Variants in KASH5 observed in about 807,000 individuals in gnomAD.
KASH5 encodes the protein protein KASH5.
Under a neutral mutation model 84.2 loss-of-function variants are expected in KASH5, and 72 were observed. The observed-to-expected ratio is 0.85, with a 90% CI of 0.71 to 1.04. The LOEUF is 1.04. KASH5 is among the 50% of genes least tolerant of loss of function. KASH5 has a pLI of 0.00. For missense variants in KASH5, 650 were observed against 701.0 expected (o/e 0.93, Z 0.82); for synonymous variants, 260 against 279.1 (o/e 0.93, Z 0.68).
chr19:49,395,388 C>T lies in KASH5; in HGVS notation c.335+96C>T. The T allele has an allele frequency of 7.5e-7, 1 of 1,327,956 alleles. No homozygotes were observed. The highest frequency in any genetic ancestry group is 1.3e-5 in the South Asian group (1 of 78,698). The allele number at this position is 1,327,956 out of a possible 1,614,324, so 82.3% of individuals were successfully genotyped here. A position where few individuals can be genotyped will look rare whatever the true frequency, so the allele number is the denominator to read the frequency against. The stretch of plus-strand genomic sequence containing the variant: ...AGCCAGCATCCTTTAGGCCCAAGGA[C>T]CTACTGTGTTTGGAATGAGGCTGTG... On this transcript the variant is annotated intron_variant, in intron 4 of 19. Transcript: ENST00000447857. This position sits in a 1 kb window ranked among gnomAD's most constrained non-coding sequence, Gnocchi z 4.4.
chr19:49,405,488 G>T (rs1974495395), intron 9 of KASH5, among the ~76,000 whole-genome samples: 1 of 151,032 alleles, frequency 6.6e-6, no homozygotes, highest in Non-Finnish European at 1.5e-5. Flanking sequence ...AGAAAAAGGA[G>T]CACAAACTTT....
chr19:49,390,319 G>T, intron 1 of KASH5: 1 of 153,446 alleles, frequency 6.5e-6, no homozygotes. Context: ...GGAGCATCAT[G>T]TGCGATTTGG....
intron 9 of KASH5, among the ~76,000 whole-genome samples, chr19:49,405,626 G>T (rs1267212430): frequency 6.6e-6 from 1 of 151,980 alleles, no homozygotes; most frequent in African/African-American, 2.4e-5. Flanking sequence ...GAACTAATAT[G>T]ATGCCTGCAA....
intron 9 of KASH5, among the ~76,000 whole-genome samples, chr19:49,400,079 A>C (rs1342634238): frequency 6.6e-6 from 1 of 152,036 alleles, no homozygotes; most frequent in Middle Eastern, 3.2e-3. Context: ...AAATAGAAAA[A>C]TAAGCCAGGC....
At position 49,399,519 on chromosome 19, in the gene KASH5, C is replaced by T. The variant is rs770053030; in HGVS notation, c.798+12C>T. 4.4e-6 allele frequency: 7 copies of T among 1,601,224 alleles called. No homozygotes were observed. The South Asian group carries it at 6.8e-5, about 16-fold the overall frequency. ...CTCTGCAGGAGGAGGTGAGCGGAGG[C>T]CCAGCACCACCCCCACCCCTTCCCC... On this transcript the variant is annotated intron_variant, in intron 9 of 19. Transcript: ENST00000447857. This position sits in a 1 kb window ranked among gnomAD's most constrained non-coding sequence, Gnocchi z 4.4.
Position 49,408,951 on chromosome 19 carries a change from A to C in KASH5, c.994-16A>C, listed in dbSNP as rs750782272. 6.4e-7 allele frequency: 1 copy of C among 1,569,344 alleles called. No homozygotes were observed. Among genetic ancestry groups the C allele is most frequent in the South Asian group, 1.2e-5 (1 of 85,088 alleles). The stretch of plus-strand genomic sequence containing the variant: ...AAATGCAGAGCCAAATGTGCTCCCC[A>C]CTTCCTCCTTTGCAGGAACTGAGGC... On this transcript the variant is annotated splice_polypyrimidine_tract_variant and intron_variant, in intron 12 of 19. Transcript: ENST00000447857.
Position 49,409,191 on chromosome 19 carries a change from G to T in KASH5, c.1059-5G>T. ...CATCTTCCTCCCTCCTTCCTGTGTG[G>T]CCAGGCTACCTGAAGGGGCCCAGCT... On this transcript the variant is annotated splice_polypyrimidine_tract_variant and splice_region_variant and intron_variant, in intron 13 of 19. Coordinates refer to ENST00000447857, the MANE Select transcript of KASH5 (RefSeq NM_144688.5). 6.2e-7 allele frequency: 1 copy of T among 1,612,802 alleles called. No homozygotes were observed. Among genetic ancestry groups the T allele is most frequent in the Non-Finnish European group, 8.5e-7 (1 of 1,179,014 alleles).
intron 2 of KASH5, 33 bp from the exon 3 acceptor site, chr19:49,394,443 C>A: frequency 6.4e-7 from 1 of 1,554,856 alleles, no homozygotes; most frequent in Non-Finnish European, 8.9e-7. Context: ...CTTATTCTTC[C>A]CACTGGTGAG....
At chr19:49,400,659 G>A (rs1408369895) in intron 9 of KASH5, among the ~76,000 whole-genome samples, 1 of 152,072 alleles carries the variant, frequency 6.6e-6, no homozygotes, top group African/African-American at 2.4e-5. Flanking sequence ...AAAATGCTGG[G>A]ATTACAGACA....
intron 12 of KASH5, among the ~76,000 whole-genome samples, chr19:49,408,725 G>A (rs111583600): frequency 0.011 from 1,645 of 152,340 alleles, 29 homozygotes; most frequent in African/African-American, 0.038. Flanking sequence ...TGGGATTACA[G>A]GCATGAGCCA....
rs965069001 is a variant in KASH5, at chr19:49,415,162, G to A, written c.1374+166G>A. 1.3e-5 allele frequency: 9 copies of A among 716,082 alleles called. No individual in the cohort carries two copies. In the African/African-American group the frequency reaches 1.4e-4, roughly 11 times the overall value. 44.4% of individuals were successfully genotyped at this position (716,082 alleles called of 1,614,324 possible). A position where few individuals can be genotyped will look rare whatever the true frequency, so the allele number is the denominator to read the frequency against. ...ACAAGGCCTTTGCTGTAGCTAATGA[G>A]AGCGATGGTGAGGTGGGGGGAGGCC... On this transcript the variant is annotated intron_variant, in intron 17 of 19. Transcript: ENST00000447857.
At position 49,400,113 on chromosome 19, in the gene KASH5, A is replaced by T. The variant is rs111318737; in HGVS notation, c.798+606A>T. ...GCATGGTAGTGTGCACCTGTAGTCC[A>T]GCCACTCAGGAGGCTGAGGTGGAAA... On this transcript the variant is annotated intron_variant, in intron 9 of 19. Transcript: ENST00000447857. 4.6e-3 allele frequency among the ~76,000 whole-genome samples: 701 copies of T among 151,760 alleles called. 7 individuals carry two copies. Among genetic ancestry groups the T allele is most frequent in the African/African-American group, 0.016 (661 of 41,368 alleles).
In KASH5 at chr19:49,417,052, G is replaced by A. The variant is rs1308802408; in HGVS notation, c.1412G>A (p.Gly471Glu). The A allele has an allele frequency of 6.3e-7, 1 of 1,596,190 alleles. No individual in the cohort carries two copies. The highest frequency in any genetic ancestry group is 8.5e-7 in the Non-Finnish European group (1 of 1,171,882). Residue 471 changes from glycine to glutamate, a missense_variant, in exon 18 of 20, where the codon GGA becomes GAA. Gly to Glu is a moderately conservative substitution (Grantham distance 98). Coordinates refer to ENST00000447857, the MANE Select transcript of KASH5 (RefSeq NM_144688.5). The surrounding 1 kb of genome is among the most constrained non-coding windows in gnomAD (Gnocchi z 5.2). ...GTCCCTCTAGGAGCCCCTCGCCCTG[G>A]AGACATCCCAGAAAACCCTCCAGAG... ...LPVPLGAPRP[G>E]DIPENPPERP...
chr19:49,396,443 G>A (rs1439831456), intron 5 of KASH5, among the ~76,000 whole-genome samples: 4 of 152,074 alleles, frequency 2.6e-5, no homozygotes, highest in South Asian at 2.1e-4. Flanking sequence ...TCATAGAGAC[G>A]AGGTTTCTCC....
At chr19:49,403,205 A>AATATAAAT (rs1198503597) in intron 9 of KASH5, among the ~76,000 whole-genome samples, 20 of 152,176 alleles carry the variant, frequency 1.3e-4, no homozygotes, top group African/African-American at 4.6e-4. Flanking sequence ...AAAAATACAA[A>AATATAAAT]AAATAAATAA....
chr19:49,395,252 G>T lies in KASH5; in HGVS notation c.295G>T (p.Val99Phe). 3 of 1,613,238 alleles carry T rather than the reference G, an allele frequency of 1.9e-6. No individual in the cohort carries two copies. Among genetic ancestry groups the T allele is most frequent in the Non-Finnish European group, 2.5e-6 (3 of 1,179,606 alleles). The part of the protein sequence containing the change: ...KATVDLDTFL[V>F]VMRDWIAACQ... ...CACTGTGGACTTGGACACTTTCCTG[G>T]TTGTCATGCGTGACTGGATTGCTGC... The change falls in exon 4 of 20, where the codon GTT becomes TTT. Residue 99 changes from valine to phenylalanine, a missense_variant. Val to Phe is a conservative substitution (Grantham distance 50). Transcript: ENST00000447857. This position sits in a 1 kb window ranked among gnomAD's most constrained non-coding sequence, Gnocchi z 4.4.
At chr19:49,397,868 C>T (rs12977735) in intron 6 of KASH5, 114 bp from the exon 7 acceptor site, 764,832 of 1,431,830 alleles carry the variant, frequency 0.53, 206,095 homozygotes, top group South Asian at 0.64. Flanking sequence ...GAGTCTCTCT[C>T]CTGTTTATCT....
At chr19:49,410,107 C>T (rs1305244773) in intron 15 of KASH5, among the ~76,000 whole-genome samples, 1 of 152,232 alleles carries the variant, frequency 6.6e-6, no homozygotes, top group East Asian at 1.9e-4. Flanking sequence ...CAAGCAAACA[C>T]ACAAGTTGCA....
In KASH5 at chr19:49,390,921, C is replaced by T. The variant is rs201032080; in HGVS notation, c.38C>T (p.Ala13Val). 2.2e-5 allele frequency: 35 copies of T among 1,605,622 alleles called. No homozygotes were observed. Among genetic ancestry groups the T allele is most frequent in the East Asian group, 4.6e-5 (2 of 43,632 alleles). Residue 13 changes from alanine (A) to valine (V), a missense_variant, in exon 2 of 20, where the codon GCG (alanine) becomes GTG (valine). Transcript: ENST00000447857. Reference protein sequence around the residue: ...LPEGPVGGPTAEMYLRERPEE... With the variant: ...LPEGPVGGPTVEMYLRERPEE... ...GAGGGCCCGGTGGGTGGCCCCACTGCGGAAAGTAAGTGGCTGGAACCCTAT... is the reference window on the plus strand; with the variant it reads ...GAGGGCCCGGTGGGTGGCCCCACTGTGGAAAGTAAGTGGCTGGAACCCTAT...
Sources: gnomAD v4.1 joint callset for allele counts (sites outside exome capture counted in the v4.1 genomes callset) on GRCh38, gnomAD v4.1.1 for gene constraint, Gnocchi (gnomAD v3.1) non-coding constraint, MANE v1.5 for transcripts, NCBI Gene and HGNC (gene_info 2026-07-23, HGNC 2026-07-21) for gene names.